The following CYYR1 variants were observed in gnomAD, a reference collection of about 807,000 sequenced individuals.
CYYR1 encodes cysteine and tyrosine rich 1.
A neutral mutation model predicts 15.2 loss-of-function variants in CYYR1; 14 were observed. That is an observed-to-expected ratio of 0.92 (90% CI 0.61 to 1.44). The LOEUF is 1.44. Among genes scored for constraint, CYYR1 ranks in the 40% most tolerant of loss-of-function variants. The pLI is 0.00. For missense variants in CYYR1, 228 were observed against 209.5 expected, an observed-to-expected ratio of 1.09 and a Z score of -0.54; for synonymous variants, 80 against 77.4, an observed-to-expected ratio of 1.03 and a Z score of -0.18.
intron 2 of CYYR1, chr21:26,564,684 G>C (rs1163346782): frequency 9.2e-7 from 1 of 1,090,470 alleles, no homozygotes; most frequent in Admixed American, 3.6e-5. Context: ...TATGGAGTGA[G>C]AAAGAGGGCA....
chr21:26,546,499 G>C (rs2830275), intron 2 of CYYR1, among the ~76,000 whole-genome samples: 11,799 of 152,166 alleles, frequency 0.078, 1,569 homozygotes, highest in African/African-American at 0.27. Flanking sequence ...TATTGGAATG[G>C]CTAGCAATAA....
chr21:26,511,773 T>C (rs1216863892), intron 2 of CYYR1, among the ~76,000 whole-genome samples: 3 of 152,220 alleles, frequency 2.0e-5, no homozygotes, highest in African/African-American at 7.2e-5. Flanking sequence ...ACCTTGAGAA[T>C]GATTGCTTTC....
At chr21:26,503,761 A>G (rs765836132) in intron 2 of CYYR1, 18 of 152,336 alleles carry the variant, frequency 1.2e-4, no homozygotes, top group African/African-American at 3.6e-4. Context: ...TATTCAGATA[A>G]TCATAACAGC....
chr21:26,532,522 T>TA lies in CYYR1; in HGVS notation c.176+33743dup, dbSNP rs529934382. Among the ~76,000 whole-genome samples the TA allele has an allele frequency of 1.0e-3, 156 of 152,176 alleles. 1 individual carries two copies. The highest frequency in any genetic ancestry group is 1.8e-3 in the Admixed American group (28 of 15,260). The stretch of plus-strand genomic sequence containing the variant: ...ACTGCTTCTGACATTTCTTCTCACC[T>TA]AAAAAAATAAAATACAGTGTATAGA... On this transcript the variant is annotated intron_variant, in intron 2 of 3. Coordinates refer to ENST00000652641, the MANE Select transcript of CYYR1 (RefSeq NM_001320768.2).
At chr21:26,559,492 T>C (rs1277989606) in intron 2 of CYYR1, among the ~76,000 whole-genome samples, 2 of 152,130 alleles carry the variant, frequency 1.3e-5, no homozygotes, top group Admixed American at 6.5e-5. Flanking sequence ...TTTTTAGTAA[T>C]CTTTTCTTTT....
At chr21:26,491,513 A>G (rs2065328294) in intron 2 of CYYR1, among the ~76,000 whole-genome samples, 1 of 152,170 alleles carries the variant, frequency 6.6e-6, no homozygotes, top group Admixed American at 6.5e-5. Context: ...ATTGACTCGA[A>G]GATGGAGAGT....
At chr21:26,502,054 A>G (rs924579869) in intron 2 of CYYR1, among the ~76,000 whole-genome samples, 31 of 152,192 alleles carry the variant, frequency 2.0e-4, no homozygotes, top group Non-Finnish European at 4.0e-4. Flanking sequence ...TAGTAGTGAA[A>G]TCATTTTTAC....
intron 2 of CYYR1, among the ~76,000 whole-genome samples, chr21:26,526,019 G>A (rs1350414310): frequency 2.6e-5 from 4 of 152,128 alleles, no homozygotes; most frequent in Admixed American, 6.5e-5. Context: ...CCTTTTGGAG[G>A]GTGGAGGGTG....
chr21:26,516,993 T>TA (rs1261159998), intron 2 of CYYR1, among the ~76,000 whole-genome samples: 1 of 149,946 alleles, frequency 6.7e-6, no homozygotes, highest in African/African-American at 2.5e-5. Flanking sequence ...CGGGCGCCTG[T>TA]AGTCCCAGCT....
At chr21:26,501,979 G>C (rs1258941846) in intron 2 of CYYR1, among the ~76,000 whole-genome samples, 1 of 152,028 alleles carries the variant, frequency 6.6e-6, no homozygotes. Context: ...AGGGTAAAAA[G>C]AAATATGAAT....
intron 2 of CYYR1, among the ~76,000 whole-genome samples, chr21:26,492,891 G>C (rs545653888): frequency 3.9e-5 from 6 of 152,218 alleles, no homozygotes; most frequent in African/African-American, 1.4e-4. Flanking sequence ...GGTTCTATGA[G>C]ATCAGAGAGG....
intron 2 of CYYR1, among the ~76,000 whole-genome samples, chr21:26,552,754 C>T (rs1015084918): frequency 1.3e-4 from 20 of 152,058 alleles, no homozygotes; most frequent in African/African-American, 4.8e-4. Flanking sequence ...ATATAGAAAC[C>T]TTATCATCTT....
chr21:26,533,992 A>G (rs1408468826), intron 2 of CYYR1, among the ~76,000 whole-genome samples: 1 of 152,124 alleles, frequency 6.6e-6, no homozygotes, highest in African/African-American at 2.4e-5. Context: ...CGCCACAGAA[A>G]CAGAGCACCA....
chr21:26,490,770 C>G (rs1249171497), intron 2 of CYYR1, among the ~76,000 whole-genome samples: 1 of 152,112 alleles, frequency 6.6e-6, no homozygotes, highest in Non-Finnish European at 1.5e-5. Context: ...TCCTAATTTC[C>G]ACCACGGAGC....
intron 2 of CYYR1, among the ~76,000 whole-genome samples, chr21:26,545,567 CTT>C (rs770885517): frequency 0.032 from 2,349 of 73,136 alleles, 2 homozygotes; most frequent in Middle Eastern, 0.043. Context: ...GATGCTTATT[CTT>C]TTTTTTTTTT....
chr21:26,554,470 C>A (rs1011622156), intron 2 of CYYR1, among the ~76,000 whole-genome samples: 1 of 152,136 alleles, frequency 6.6e-6, no homozygotes, highest in African/African-American at 2.4e-5. Context: ...ATGTACATGA[C>A]TTTTCAGGCA....
At chr21:26,522,780 G>T (rs1157978097) in intron 2 of CYYR1, among the ~76,000 whole-genome samples, 1 of 152,126 alleles carries the variant, frequency 6.6e-6, no homozygotes, top group Non-Finnish European at 1.5e-5. Flanking sequence ...ATGAATTCAA[G>T]GGCAGTTTTG....
intron 2 of CYYR1, chr21:26,503,843 A>G (rs1275188932): frequency 6.6e-6 from 1 of 152,244 alleles, no homozygotes; most frequent in African/African-American, 2.4e-5. Context: ...CAAAAGAGAG[A>G]TGGGACAAAA....
intron 2 of CYYR1, among the ~76,000 whole-genome samples, chr21:26,520,141 TGCAG>T (rs2065785613): frequency 7.1e-6 from 1 of 140,360 alleles, no homozygotes; most frequent in Non-Finnish European, 1.5e-5. Flanking sequence ...TATATATATA[TGCAG>T]AAAGTGCAGG....
Sources: allele counts gnomAD v4.1 joint callset (sites outside exome capture counted in the v4.1 genomes callset), GRCh38; gene constraint gnomAD v4.1.1; transcripts MANE v1.5; gene names NCBI Gene and HGNC (gene_info 2026-07-23, HGNC 2026-07-21).